AKAP9: variants seen among roughly 807,000 people sequenced by gnomAD.
AKAP9 encodes the protein A-kinase anchor protein 9.
AKAP9 carries 311 observed loss-of-function variants against 488.5 expected under a neutral mutation model. The observed-to-expected ratio is 0.64, with a 90% CI of 0.58 to 0.70. The LOEUF is 0.70. AKAP9 is among the 30% of genes least tolerant of loss of function. The pLI is 0.00. For synonymous variants in AKAP9, 1,462 were observed against 1,483.5 expected, an observed-to-expected ratio of 0.99 and a Z score of 0.33; for missense variants, 4,215 against 4,374.5, an observed-to-expected ratio of 0.96 and a Z score of 1.03.
At position 92,002,276 on chromosome 7, in the gene AKAP9, C is replaced by T; in HGVS notation, c.2359C>T (p.Leu787Phe). 1 of 1,610,520 alleles carries T rather than the reference C, an allele frequency of 6.2e-7. No homozygotes were observed. The highest frequency in any genetic ancestry group is 1.3e-5 in the African/African-American group (1 of 74,810). ...CATTCTTAAAGATGAAAAGAAAACCCTTGAAGACATGTTGAAAATACATAC... is the reference window on the plus strand; with the variant it reads ...CATTCTTAAAGATGAAAAGAAAACCTTTGAAGACATGTTGAAAATACATAC... ...NSILKDEKKTLEDMLKIHTPV... is the reference protein window; with the variant it reads ...NSILKDEKKTFEDMLKIHTPV... The change falls in exon 8 of 50, where the codon CTT becomes TTT. Residue 787 changes from leucine (L) to phenylalanine (F), a missense_variant. Transcript: ENST00000356239.
intron 2 of AKAP9, among the ~76,000 whole-genome samples, chr7:91,975,934 T>G (rs1372833365): frequency 6.7e-6 from 1 of 150,252 alleles, no homozygotes; most frequent in Non-Finnish European, 1.5e-5. Flanking sequence ...TGTTTTTTTT[T>G]TTTTTGAGAC....
chr7:92,058,534 G>C (rs951266973), intron 22 of AKAP9: 10 of 285,480 alleles, frequency 3.5e-5, no homozygotes, highest in African/African-American at 2.3e-4. Context: ...ATTCATTCTA[G>C]ATGTATTTAA....
At chr7:92,009,843 TAGC>T (rs1478406202) in intron 8 of AKAP9, among the ~76,000 whole-genome samples, 1 of 152,180 alleles carries the variant, frequency 6.6e-6, no homozygotes, top group Non-Finnish European at 1.5e-5. Flanking sequence ...CATTCATAGA[TAGC>T]AGGAAAAAAA....
intron 32 of AKAP9, 144 bp from the exon 33 acceptor site, chr7:92,083,026 G>A: frequency 1.1e-6 from 1 of 888,242 alleles, no homozygotes; most frequent in Admixed American, 2.9e-5. Flanking sequence ...TAAACTGTGA[G>A]CGTTTCTGAA....
chr7:92,102,472 CTA>C (rs1817714403), intron 45 of AKAP9, 120 bp from the exon 46 acceptor site: 4 of 701,166 alleles, frequency 5.7e-6, no homozygotes, highest in African/African-American at 5.3e-5. Flanking sequence ...ACTACTACTA[CTA>C]CTACTACTAC....
At chr7:92,048,224 T>C (rs910385162) in intron 21 of AKAP9, among the ~76,000 whole-genome samples, 1 of 152,230 alleles carries the variant, frequency 6.6e-6, no homozygotes, top group Non-Finnish European at 1.5e-5. Context: ...AAGCAACTTT[T>C]GCTTTTCAGT....
At chr7:91,990,434 A>T (rs377145179) in intron 3 of AKAP9, among the ~76,000 whole-genome samples, 1 of 152,072 alleles carries the variant, frequency 6.6e-6, no homozygotes, top group African/African-American at 2.4e-5. Context: ...GTTCTGGTGA[A>T]TAATCTTTTA....
At chr7:92,042,564 T>A in intron 19 of AKAP9, 104 bp from the exon 20 acceptor site, 1 of 791,946 alleles carries the variant, frequency 1.3e-6, no homozygotes. Context: ...TGCACAGAGG[T>A]TTCTATTTTA....
Position 92,082,391 on chromosome 7 carries a change from T to C in AKAP9, c.8020-131T>C, listed in dbSNP as rs575970566. On this transcript the variant is annotated intron_variant, in intron 31 of 49. Coordinates refer to ENST00000356239, the MANE Select transcript of AKAP9 (RefSeq NM_005751.5). Reference sequence around the variant, plus strand: ...AGCTTCTCTGTTTTTGGAAAGAGCATTGATTTGTTCCAACTCCTTATATCT... The same window carrying C: ...AGCTTCTCTGTTTTTGGAAAGAGCACTGATTTGTTCCAACTCCTTATATCT... 9 of 911,550 alleles carry C rather than the reference T, an allele frequency of 9.9e-6. No individual in the cohort carries two copies. In the South Asian group the frequency reaches 1.4e-4, roughly 14 times the overall value. 56.5% of individuals were successfully genotyped at this position (911,550 alleles called of 1,614,324 possible). A position where few individuals can be genotyped will look rare whatever the true frequency, so the allele number is the denominator to read the frequency against.
intron 8 of AKAP9, among the ~76,000 whole-genome samples, chr7:92,007,362 C>T (rs942164773): frequency 4.6e-5 from 6 of 131,642 alleles, no homozygotes; most frequent in Non-Finnish European, 6.2e-5. Flanking sequence ...CAGCTCACTA[C>T]AAACTCAGCC....
At chr7:92,029,540 T>C (rs910196384) in intron 14 of AKAP9, among the ~76,000 whole-genome samples, 2 of 152,038 alleles carry the variant, frequency 1.3e-5, no homozygotes, top group African/African-American at 4.8e-5. Context: ...CCAGCACATT[T>C]GGAGGCTGAG....
intron 19 of AKAP9, 125 bp downstream of exon 19, chr7:92,042,311 T>C: frequency 7.7e-7 from 1 of 1,290,582 alleles, no homozygotes; most frequent in Admixed American, 1.8e-5. Context: ...TGTGACTGCA[T>C]GTGTGTAAGG....
chr7:92,059,259 A>C (rs1055281314), intron 22 of AKAP9, among the ~76,000 whole-genome samples: 1 of 152,084 alleles, frequency 6.6e-6, no homozygotes, highest in African/African-American at 2.4e-5. Flanking sequence ...TACATTCTTC[A>C]TATTGTTATA....
rs1471033854 is a variant in AKAP9 at position 92,001,836 on chromosome 7, T to A, written c.1919T>A (p.Leu640Gln). The stretch of plus-strand genomic sequence containing the variant: ...AGTCACGAAGAAGAGCTTTCCAAAC[T>A]GAAGGAAGATTTAGAAATTGAACAT... ...LFSHEEELSK[L>Q]KEDLEIEHRI... The change falls in exon 8 of 50, where the codon CTG (leucine) becomes CAG (glutamine). Residue 640 changes from leucine to glutamine, a missense_variant. Leu to Gln is a moderately radical substitution (Grantham distance 113). Transcript: ENST00000356239. 2 of 1,613,382 alleles carry A rather than the reference T, an allele frequency of 1.2e-6. No individual in the cohort carries two copies. Among genetic ancestry groups the A allele is most frequent in the Admixed American group, 3.3e-5 (2 of 59,972 alleles).
chr7:91,990,373 T>G (rs184844995), intron 3 of AKAP9, among the ~76,000 whole-genome samples: 37 of 152,238 alleles, frequency 2.4e-4, no homozygotes, highest in African/African-American at 8.7e-4. Context: ...GATCCTGATA[T>G]TCTGTTAAGT....
Position 92,110,419 on chromosome 7 carries a change from TTG to T in AKAP9, c.*264_*265del. The T allele has an allele frequency of 4.1e-6, 2 of 489,836 alleles. No homozygotes were observed. Among genetic ancestry groups the T allele is most frequent in the East Asian group, 6.8e-5 (2 of 29,574 alleles). The allele number at this position is 489,836 out of a possible 1,614,324, so 30.3% of individuals were successfully genotyped here. On this transcript the variant is annotated 3_prime_UTR_variant, in exon 50 of 50. Transcript: ENST00000356239. The stretch of plus-strand genomic sequence containing the variant: ...AATTTAAAACATTAAATTATAAACC[TTG>T]TGTATTTATCAAATGGGTGAAAAGA...
At chr7:92,025,203 G>A (rs2299238) in intron 14 of AKAP9, among the ~76,000 whole-genome samples, 60,722 of 151,992 alleles carry the variant, frequency 0.4, 12,424 homozygotes, top group African/African-American at 0.46. Flanking sequence ...ATTTCAAGCA[G>A]TCTTCCTTTA....
intron 7 of AKAP9, 114 bp from the exon 8 acceptor site, chr7:92,000,734 T>C (rs754879363): frequency 1.9e-4 from 116 of 609,462 alleles, no homozygotes; most frequent in Non-Finnish European, 3.0e-4. Context: ...ATTTACTTTT[T>C]GTAGAATTTT....
At chr7:92,003,265 C>G in intron 8 of AKAP9, 30 bp downstream of exon 8, 1 of 1,493,684 alleles carries the variant, frequency 6.7e-7, no homozygotes, top group Non-Finnish European at 9.3e-7. Flanking sequence ...TATGGTAAAG[C>G]ACAATGAAAA....
Sources: gnomAD v4.1 joint callset for allele counts (sites outside exome capture counted in the v4.1 genomes callset) on GRCh38, gnomAD v4.1.1 for gene constraint, MANE v1.5 for transcripts, NCBI Gene and HGNC (gene_info 2026-07-23, HGNC 2026-07-21) for gene names.